Variants in PDGFRL observed in about 807,000 individuals in gnomAD.
The protein encoded by PDGFRL is platelet derived growth factor receptor like.
In PDGFRL, 46 loss-of-function variants were observed where a neutral mutation model predicts 37.2. The observed-to-expected ratio is 1.24, with a 90% CI of 0.98 to 1.58. The LOEUF (loss-of-function observed/expected upper bound fraction) is 1.58, where lower values mean the gene tolerates loss of function less well. Among genes scored for constraint, PDGFRL ranks in the 40% most tolerant of loss-of-function variants. The probability of loss-of-function intolerance (pLI) is 0.00; values close to 1 mark genes in which losing one functional copy is unlikely to be tolerated. For synonymous variants in PDGFRL, 251 were observed against 184.3 expected (o/e 1.36, Z -2.93); for missense variants, 692 against 467.6 (o/e 1.48, Z -4.43).
chr8:17,605,290 C>T (rs1054029598), intron 2 of PDGFRL, among the ~76,000 whole-genome samples: 3 of 152,148 alleles, frequency 2.0e-5, no homozygotes, highest in African/African-American at 7.2e-5. Context: ...CCTTCCTCCC[C>T]ATGCCCCATA....
chr8:17,628,657 G>A lies in PDGFRL; in HGVS notation c.676G>A (p.Asp226Asn), dbSNP rs146630713. The change falls in exon 4 of 6, where the codon GAC becomes AAC. Residue 226 changes from aspartate to asparagine, a missense_variant. Asp to Asn is a conservative substitution (Grantham distance 23). Coordinates refer to ENST00000251630, the MANE Select transcript of PDGFRL (RefSeq NM_001372073.1). ...IPANGTDIVYDMKRGFVYLQP... is the reference protein window; with the variant it reads ...IPANGTDIVYNMKRGFVYLQP... Reference sequence around the variant, plus strand: ...AGCCAATGGAACGGACATTGTTTATGACATGAAGCGGGGCTTTGTGTATCT... The same window carrying A: ...AGCCAATGGAACGGACATTGTTTATAACATGAAGCGGGGCTTTGTGTATCT... 341 of 1,614,226 alleles carry A rather than the reference G, an allele frequency of 2.1e-4. 3 individuals are homozygous for A. The African/African-American group carries it at 3.9e-3, about 18-fold the overall frequency.
intron 3 of PDGFRL, 135 bp from the exon 4 acceptor site, chr8:17,628,352 T>G (rs566001797): frequency 1.5e-6 from 1 of 666,986 alleles, no homozygotes; most frequent in South Asian, 1.9e-5. Flanking sequence ...TGAAAAGCAT[T>G]AAAGTAAAAA....
At chr8:17,588,847 A>C (rs1018740932) in intron 1 of PDGFRL, among the ~76,000 whole-genome samples, 5 of 152,172 alleles carry the variant, frequency 3.3e-5, no homozygotes, top group Non-Finnish European at 7.3e-5. Context: ...GTTTTGTGTG[A>C]CTGCTTGGAG....
At chr8:17,578,554 G>A (rs1803636784) in intron 1 of PDGFRL, among the ~76,000 whole-genome samples, 1 of 152,138 alleles carries the variant, frequency 6.6e-6, no homozygotes, top group Non-Finnish European at 1.5e-5. Context: ...AATGCTCCTG[G>A]CAGGCCCTTG....
chr8:17,632,036 CGTGCCATCCCTGGCCTCA>C (rs1470552480), intron 4 of PDGFRL, among the ~76,000 whole-genome samples: 1 of 152,212 alleles, frequency 6.6e-6, no homozygotes, highest in Admixed American at 6.5e-5. Flanking sequence ...CCATCCTCCG[CGTGCCATCCCTGGCCTCA>C]GTGCCATCCT....
At chr8:17,618,221 T>C (rs976095648) in intron 2 of PDGFRL, among the ~76,000 whole-genome samples, 4 of 152,068 alleles carry the variant, frequency 2.6e-5, no homozygotes, top group African/African-American at 9.7e-5. Context: ...CATGCCTGGC[T>C]AATGTTTAAT....
intron 1 of PDGFRL, among the ~76,000 whole-genome samples, chr8:17,587,713 C>T (rs1231850909): frequency 2.0e-5 from 3 of 150,348 alleles, no homozygotes; most frequent in Admixed American, 6.6e-5. Context: ...CTGTAACCTC[C>T]GCCTCCCGGG....
chr8:17,630,558 C>T (rs1387317913), intron 4 of PDGFRL, among the ~76,000 whole-genome samples: 1 of 152,200 alleles, frequency 6.6e-6, no homozygotes, highest in East Asian at 1.9e-4. Flanking sequence ...AGCCTGCTTT[C>T]TGCTCTTCCT....
chr8:17,586,215 G>T (rs1023760339), intron 1 of PDGFRL, among the ~76,000 whole-genome samples: 1 of 152,144 alleles, frequency 6.6e-6, no homozygotes, highest in African/African-American at 2.4e-5. Flanking sequence ...TGGCCTCTCA[G>T]AGTGCTGGGA....
intron 2 of PDGFRL, among the ~76,000 whole-genome samples, chr8:17,616,658 C>T (rs1441525841): frequency 2.6e-5 from 4 of 152,094 alleles, no homozygotes; most frequent in Non-Finnish European, 4.4e-5. Flanking sequence ...TTCCTTTGTA[C>T]CAAGACCCTC....
chr8:17,641,607 T>TTAAAG (rs1805094523), intron 5 of PDGFRL, among the ~76,000 whole-genome samples: 1 of 152,190 alleles, frequency 6.6e-6, no homozygotes, highest in South Asian at 2.1e-4. Flanking sequence ...AGAGATAATT[T>TTAAAG]TAAAGTAGAC....
intron 2 of PDGFRL, among the ~76,000 whole-genome samples, chr8:17,594,860 C>T (rs189178432): frequency 1.8e-4 from 28 of 152,356 alleles, no homozygotes; most frequent in African/African-American, 6.7e-4. Flanking sequence ...TTTTTGTAAT[C>T]CATCATCCAG....
At chr8:17,577,001 C>A (rs557987966), upstream of PDGFRL, 120 of 572,054 alleles carry the variant, frequency 2.1e-4, no homozygotes, top group African/African-American at 2.2e-3. Flanking sequence ...TCACGCTTAG[C>A]CTTTCCTCCC....
At chr8:17,586,135 G>C (rs1262610551) in intron 1 of PDGFRL, among the ~76,000 whole-genome samples, 1 of 144,480 alleles carries the variant, frequency 6.9e-6, no homozygotes, top group Non-Finnish European at 1.6e-5. Flanking sequence ...GTATTTTTTG[G>C]AAGAGATGAG....
chr8:17,597,135 C>T (rs2904707), intron 2 of PDGFRL, among the ~76,000 whole-genome samples: 20,906 of 152,222 alleles, frequency 0.14, 3,831 homozygotes, highest in African/African-American at 0.41. Context: ...ATTCTAGTGC[C>T]TCAGCCTCCC....
chr8:17,597,550 AT>A (rs5889723), intron 2 of PDGFRL, among the ~76,000 whole-genome samples: 22,039 of 151,506 alleles, frequency 0.15, 4,284 homozygotes, highest in African/African-American at 0.43. Context: ...TGCAATATAC[AT>A]TTTTTTTTCC....
At chr8:17,640,548 C>T (rs1325217165) in intron 5 of PDGFRL, among the ~76,000 whole-genome samples, 1 of 152,112 alleles carries the variant, frequency 6.6e-6, no homozygotes, top group Non-Finnish European at 1.5e-5. Context: ...TGTTATTTCT[C>T]TTCTGTATCT....
At chr8:17,639,209 C>G (rs1476590709) in intron 5 of PDGFRL, among the ~76,000 whole-genome samples, 3 of 151,984 alleles carry the variant, frequency 2.0e-5, no homozygotes, top group Non-Finnish European at 4.4e-5. Context: ...GACTTCTTAC[C>G]CATTCTGCCA....
chr8:17,595,111 A>G (rs540433839), intron 2 of PDGFRL, among the ~76,000 whole-genome samples: 6 of 152,090 alleles, frequency 3.9e-5, no homozygotes, highest in South Asian at 2.1e-4. Context: ...TCAGGGCCCT[A>G]TGGGTCTTGG....
Sources: allele counts gnomAD v4.1 joint callset (sites outside exome capture counted in the v4.1 genomes callset), GRCh38; gene constraint gnomAD v4.1.1; transcripts MANE v1.5; gene names NCBI Gene and HGNC (gene_info 2026-07-23, HGNC 2026-07-21).